NRL: variants seen among roughly 807,000 people sequenced by gnomAD.
NRL encodes neural retina-specific leucine zipper protein.
Under a neutral mutation model 12.5 loss-of-function variants are expected in NRL, and 16 were observed. That is an observed-to-expected ratio of 1.28 (90% CI 0.87 to 1.95). The LOEUF (loss-of-function observed/expected upper bound fraction) is 1.95. Among genes scored for constraint, NRL ranks in the 30% most tolerant of loss-of-function variants. The pLI is 0.00. For synonymous variants in NRL, 142 were observed against 150.9 expected (o/e 0.94, Z 0.43); for missense variants, 314 against 325.8 (o/e 0.96, Z 0.28).
rs1372240550 is a variant in NRL, at chr14:24,094,045, G to A, written c.-27-11170C>T. On this transcript the variant is annotated intron_variant, in intron 1 of 2. Transcript: ENST00000561028. This position sits in a 1 kb window ranked among gnomAD's most constrained non-coding sequence, Gnocchi z 4.1. ...GCAAGAGTCCTCAAAGTTACATCAT[G>A]TGCGGCTGGGAGGGCGGTGGCGGAT... 1.5e-5 allele frequency: 8 copies of A among 538,748 alleles called. No individual in the cohort carries two copies. The highest frequency in any genetic ancestry group is 2.0e-5 in the Non-Finnish European group (6 of 307,652). 33.4% of individuals were successfully genotyped at this position (538,748 alleles called of 1,614,324 possible). A position where few individuals can be genotyped will look rare whatever the true frequency, so the allele number is the denominator to read the frequency against.
Position 24,103,005 on chromosome 14 carries a change from TC to T in NRL, c.-28+11716del, listed in dbSNP as rs1227264847. 3.8e-6 allele frequency: 5 copies of T among 1,299,782 alleles called. No homozygotes were observed. In the East Asian group the frequency reaches 1.2e-4, roughly 30 times the overall value. The allele number at this position is 1,299,782 out of a possible 1,614,324, so 80.5% of individuals were successfully genotyped here. On this transcript the variant is annotated intron_variant, in intron 1 of 2. Coordinates refer to ENST00000561028, the MANE Select transcript of NRL (RefSeq NM_001354768.3). ...TGGATCTCACCTTTCTCCAGAGTTC[TC>T]CCCTGGTGAATGCAAACTTGGGAGG...
At chr14:24,090,182 A>T (rs1280959738) in intron 1 of NRL, among the ~76,000 whole-genome samples, 2 of 149,016 alleles carry the variant, frequency 1.3e-5, no homozygotes, top group Non-Finnish European at 3.0e-5. Flanking sequence ...TAGAGGACTA[A>T]TGCCGTAACC....
intron 1 of NRL, among the ~76,000 whole-genome samples, chr14:24,109,964 G>C (rs112165304): frequency 6.6e-6 from 1 of 152,250 alleles, no homozygotes; most frequent in African/African-American, 2.4e-5. Flanking sequence ...TTGTTAAGGA[G>C]ATAAGTTTAA....
chr14:24,079,733 AGAG>A lies in NRL; in HGVS notation c.*1500_*1502del, dbSNP rs1052571214. Among the ~76,000 whole-genome samples, 2 of 152,212 alleles carry A rather than the reference AGAG, an allele frequency of 1.3e-5. No individual in the cohort carries two copies. The highest frequency in any genetic ancestry group is 2.4e-5 in the African/African-American group (1 of 41,456). ...GCTTCTCCCATTTATTATGTCCGGT[AGAG>A]GACAGATGACAGTAACTCGTGAGGC... is the stretch of plus-strand genomic sequence containing the variant. On this transcript the variant is annotated 3_prime_UTR_variant, in exon 3 of 3. Coordinates refer to ENST00000561028, the MANE Select transcript of NRL (RefSeq NM_001354768.3).
intron 1 of NRL, among the ~76,000 whole-genome samples, chr14:24,090,498 A>G (rs2036592415): frequency 6.6e-6 from 1 of 152,166 alleles, no homozygotes; most frequent in African/African-American, 2.4e-5. Context: ...GCATTTGGTG[A>G]GACAGCTCCC....
At position 24,114,848 on chromosome 14, in the gene NRL, G is replaced by C; in HGVS notation, c.-154C>G. The C allele has an allele frequency of 2.0e-6, 2 of 985,970 alleles. No homozygotes were observed. The highest frequency in any genetic ancestry group is 1.2e-6 in the Non-Finnish European group (1 of 829,962). The allele number at this position is 985,970 out of a possible 1,614,324, so 61.1% of individuals were successfully genotyped here. On this transcript the variant is annotated 5_prime_UTR_variant, in exon 1 of 3. Coordinates refer to ENST00000561028, the MANE Select transcript of NRL (RefSeq NM_001354768.3). ...CGAGCGAAGCGCGTGACGGAGGAGC[G>C]GTTGGCCAACGCAGTGGCGGCAGTC... is the stretch of plus-strand genomic sequence containing the variant.
chr14:24,097,197 A>G, intron 1 of NRL: 5 of 1,538,456 alleles, frequency 3.3e-6, no homozygotes, highest in Non-Finnish European at 4.5e-6. Context: ...TGGGTTCACC[A>G]AGGCAAAATC....
chr14:24,082,730 C>T lies in NRL; in HGVS notation c.119G>A (p.Gly40Asp). 3 of 1,614,208 alleles carry T rather than the reference C, an allele frequency of 1.9e-6. No homozygotes were observed. The highest frequency in any genetic ancestry group is 2.2e-5 in the South Asian group (2 of 91,080). The change falls in exon 2 of 3, where the codon GGC (glycine) becomes GAC (aspartate). Residue 40 changes from glycine to aspartate, a missense_variant. By Grantham distance (94) the Gly-to-Asp change is moderately conservative (BLOSUM62 -1). Coordinates refer to ENST00000561028, the MANE Select transcript of NRL (RefSeq NM_001354768.3). ...GRPGPPTASL[G>D]STPYSSVPPS... Reference sequence around the variant, plus strand: ...AGGCACTGAGCTGTAAGGTGTGGAGCCCAGTGAGGCTGTAGGGGGGCCAGG... The same window carrying T: ...AGGCACTGAGCTGTAAGGTGTGGAGTCCAGTGAGGCTGTAGGGGGGCCAGG...
At chr14:24,092,656 G>T (rs1254459181) in intron 1 of NRL, among the ~76,000 whole-genome samples, 1 of 152,164 alleles carries the variant, frequency 6.6e-6, no homozygotes, top group African/African-American at 2.4e-5. Context: ...TAGAGCCTGA[G>T]GGGGAAGAGA....
chr14:24,099,592 G>C, intron 1 of NRL: 1 of 1,609,848 alleles, frequency 6.2e-7, no homozygotes, highest in Non-Finnish European at 8.5e-7. Flanking sequence ...GGGAAGAAGC[G>C]CTATGTGGCA....
At chr14:24,100,755 T>A (rs1395091913) in intron 1 of NRL, among the ~76,000 whole-genome samples, 1 of 152,120 alleles carries the variant, frequency 6.6e-6, no homozygotes, top group Non-Finnish European at 1.5e-5. Flanking sequence ...TGTCTAAAGG[T>A]CAGTATTGTT....
At chr14:24,089,619 A>G (rs555246679) in intron 1 of NRL, among the ~76,000 whole-genome samples, 12 of 152,236 alleles carry the variant, frequency 7.9e-5, no homozygotes, top group Non-Finnish European at 1.6e-4. Context: ...CATATGTTAG[A>G]GATGTGTCTA....
intron 1 of NRL, chr14:24,098,079 T>C: frequency 1.3e-6 from 1 of 748,896 alleles, no homozygotes; most frequent in Admixed American, 2.9e-5. Context: ...GACTGAGATG[T>C]GATTGGGTGG....
chr14:24,107,921 C>T (rs755507720), intron 1 of NRL, among the ~76,000 whole-genome samples: 10 of 152,164 alleles, frequency 6.6e-5, no homozygotes, highest in Non-Finnish European at 1.2e-4. Flanking sequence ...TTCCTATTAT[C>T]CTTTGAAAAG....
intron 1 of NRL, chr14:24,098,165 G>A: frequency 1.3e-6 from 2 of 1,554,624 alleles, no homozygotes. Flanking sequence ...AGGGAAACCT[G>A]CTGGCCACCA....
At chr14:24,099,116 G>A in intron 1 of NRL, 1 of 1,612,242 alleles carries the variant, frequency 6.2e-7, no homozygotes, top group South Asian at 1.1e-5. Context: ...CCGACCAGCG[G>A]GAGATCATCT....
intron 1 of NRL, chr14:24,103,019 C>T: frequency 8.0e-7 from 1 of 1,249,012 alleles, no homozygotes; most frequent in Non-Finnish European, 1.2e-6. Context: ...CTGGTGAATG[C>T]AAACTTGGGA....
In NRL at chr14:24,081,509, C is replaced by T. The variant is rs201197984; in HGVS notation, c.441G>A (p.Arg147=). Residue 147 remains arginine (R), a synonymous_variant, in exon 3 of 3, where the codon CGG becomes CGA. Coordinates refer to ENST00000561028, the MANE Select transcript of NRL (RefSeq NM_001354768.3). This position sits in a 1 kb window ranked among gnomAD's most constrained non-coding sequence, Gnocchi z 4.4. Reference sequence around the variant, plus strand: ...CGTCGCGCCCGCAGCCCCGCAGCTGCCGGTTTAGCTCCCGCACAGACATCG... The same window carrying T: ...CGTCGCGCCCGCAGCCCCGCAGCTGTCGGTTTAGCTCCCGCACAGACATCG... The part of the protein sequence containing the change: ...LVSMSVRELN[R]QLRGCGRDEA... The T allele has an allele frequency of 6.2e-3, 9,916 of 1,602,306 alleles. 41 individuals carry two copies. The highest frequency in any genetic ancestry group is 7.7e-3 in the Non-Finnish European group (9,082 of 1,176,132).
rs2036235233 is a variant in NRL at position 24,080,056 on chromosome 14, C to G, written c.*1180G>C. The G allele has an allele frequency of 6.6e-6, 1 of 152,308 alleles. No individual in the cohort carries two copies. The highest frequency in any genetic ancestry group is 1.5e-5 in the Non-Finnish European group (1 of 68,110). 9.4% of individuals were successfully genotyped at this position (152,308 alleles called of 1,614,324 possible). ...TTTCTTGCTCTCTCTCTCTCTCCCTCTCTCTCCCTCTCCCACACACAGACA... is the reference window on the plus strand; with the variant it reads ...TTTCTTGCTCTCTCTCTCTCTCCCTGTCTCTCCCTCTCCCACACACAGACA... On this transcript the variant is annotated 3_prime_UTR_variant, in exon 3 of 3. Transcript: ENST00000561028.
Sources: gnomAD v4.1 joint callset for allele counts (sites outside exome capture counted in the v4.1 genomes callset) on GRCh38, gnomAD v4.1.1 for gene constraint, Gnocchi (gnomAD v3.1) non-coding constraint, MANE v1.5 for transcripts, NCBI Gene and HGNC (gene_info 2026-07-23, HGNC 2026-07-21) for gene names.